ARL6: variants seen among roughly 807,000 people sequenced by gnomAD.
ARL6 encodes the protein ADP-ribosylation factor-like protein 6.
A neutral mutation model predicts 27.1 loss-of-function variants in ARL6; 18 were observed. That is an observed-to-expected ratio of 0.66 (90% confidence interval 0.46 to 0.98). The LOEUF is 0.98. Among genes scored for constraint, ARL6 ranks in the 50% least tolerant of loss-of-function variants. The pLI, the probability that ARL6 is intolerant of heterozygous loss-of-function variation, is 0.00. For missense variants in ARL6, 187 were observed against 214.9 expected (o/e 0.87, Z 0.81); for synonymous variants, 65 against 72.3 (o/e 0.90, Z 0.51).
chr3:97,793,298 C>T (rs2037833981), intron 7 of ARL6: 1 of 152,154 alleles, frequency 6.6e-6, no homozygotes, highest in Non-Finnish European at 1.5e-5. Context: ...TCTGTGAACC[C>T]AGCAACTTAG....
chr3:97,790,503 C>T (rs1038257436), intron 6 of ARL6, among the ~76,000 whole-genome samples: 2 of 151,894 alleles, frequency 1.3e-5, no homozygotes, highest in African/African-American at 4.8e-5. Flanking sequence ...AGATAGAATT[C>T]GAACATTTGT....
At chr3:97,792,258 C>CCGA (rs935963443) in intron 7 of ARL6, among the ~76,000 whole-genome samples, 3 of 152,074 alleles carry the variant, frequency 2.0e-5, no homozygotes, top group Admixed American at 6.6e-5. Flanking sequence ...CTTTGGGAGG[C>CCGA]CGAGGCAGGC....
intron 2 of ARL6, among the ~76,000 whole-genome samples, chr3:97,772,509 T>A (rs1023884616): frequency 7.9e-5 from 12 of 152,186 alleles, no homozygotes; most frequent in African/African-American, 2.9e-4. Flanking sequence ...TCACTTTCAT[T>A]TATTTTTGTT....
intron 7 of ARL6, 100 bp from the exon 8 acceptor site, chr3:97,797,924 A>G: frequency 9.0e-7 from 1 of 1,117,308 alleles, no homozygotes; most frequent in Admixed American, 1.8e-5. Flanking sequence ...ACATGTATAC[A>G]TAAGTTTCCA....
intron 2 of ARL6, among the ~76,000 whole-genome samples, chr3:97,771,205 T>G (rs1392524116): frequency 6.6e-6 from 1 of 152,030 alleles, no homozygotes; most frequent in Non-Finnish European, 1.5e-5. Flanking sequence ...TTTATCAATA[T>G]TTTATAGTTT....
chr3:97,767,895 G>C (rs193148416), intron 1 of ARL6, among the ~76,000 whole-genome samples, 186 bp from the exon 2 acceptor site: 1 of 152,238 alleles, frequency 6.6e-6, no homozygotes, highest in Admixed American at 6.5e-5. Context: ...GCAAATCTGC[G>C]TGTCAGTTAA....
intron 7 of ARL6, among the ~76,000 whole-genome samples, chr3:97,797,199 G>A (rs1336811211): frequency 6.6e-6 from 1 of 152,114 alleles, no homozygotes; most frequent in Admixed American, 6.6e-5. Context: ...AGACTCTGTG[G>A]AAGAGTTCTT....
intron 7 of ARL6, among the ~76,000 whole-genome samples, chr3:97,796,122 T>C (rs1051743222): frequency 6.6e-6 from 1 of 152,190 alleles, no homozygotes; most frequent in Non-Finnish European, 1.5e-5. Context: ...TGTTCACTTA[T>C]ACATATGAAC....
At chr3:97,765,548 A>T (rs1392133082) in intron 1 of ARL6, among the ~76,000 whole-genome samples, 1 of 152,186 alleles carries the variant, frequency 6.6e-6, no homozygotes, top group Non-Finnish European at 1.5e-5. Context: ...GGTTACAGTA[A>T]GATAAGAAAC....
chr3:97,777,897 T>G (rs1031157636), intron 2 of ARL6, among the ~76,000 whole-genome samples: 1 of 152,198 alleles, frequency 6.6e-6, no homozygotes, highest in Non-Finnish European at 1.5e-5. Context: ...TTTATGAATT[T>G]TATTCCTACA....
At chr3:97,786,631 T>TA (rs1027551200) in intron 5 of ARL6, among the ~76,000 whole-genome samples, 1 of 152,030 alleles carries the variant, frequency 6.6e-6, no homozygotes, top group African/African-American at 2.4e-5. Context: ...TTGATGGCCA[T>TA]AAAAAATCTT....
intron 4 of ARL6, among the ~76,000 whole-genome samples, chr3:97,784,508 C>T (rs926109535): frequency 6.7e-6 from 1 of 150,354 alleles, no homozygotes; most frequent in Non-Finnish European, 1.5e-5. Flanking sequence ...AGGAAATTTA[C>T]ATATGTATTG....
At chr3:97,791,300 G>C (rs1483567894) in intron 6 of ARL6, 5 of 156,046 alleles carry the variant, frequency 3.2e-5, no homozygotes, top group Non-Finnish European at 5.7e-5. Context: ...CCGACTTTTT[G>C]TTTTACTCTA....
At chr3:97,791,170 C>A (rs1444564200) in intron 6 of ARL6, 1 of 152,254 alleles carries the variant, frequency 6.6e-6, no homozygotes, top group Non-Finnish European at 1.5e-5. Flanking sequence ...TTAATTCTCA[C>A]AATCACCATA....
rs2036290296 is a variant in ARL6 at position 97,764,876 on chromosome 3, G to A, written c.-129G>A. The A allele has an allele frequency of 6.6e-6, 1 of 152,274 alleles. No homozygotes were observed. Among genetic ancestry groups the A allele is most frequent in the African/African-American group, 2.4e-5 (1 of 41,438 alleles). 9.4% of individuals were successfully genotyped at this position (152,274 alleles called of 1,614,324 possible). On this transcript the variant is annotated 5_prime_UTR_variant, in exon 1 of 8. Coordinates refer to ENST00000463745, the MANE Select transcript of ARL6 (RefSeq NM_001278293.3). ...TTCCCATGTAGGCATCGAGAAGAAG[G>A]CTGAGGGACCCTCGCACCAGATTTC...
chr3:97,780,329 T>C, intron 3 of ARL6, 109 bp downstream of exon 3: 1 of 907,702 alleles, frequency 1.1e-6, no homozygotes, highest in Non-Finnish European at 1.7e-6. Context: ...TGTTTCAGAA[T>C]CTCATAGGTA....
chr3:97,773,178 A>G (rs112733700), intron 2 of ARL6, among the ~76,000 whole-genome samples: 5,869 of 152,240 alleles, frequency 0.039, 207 homozygotes, highest in African/African-American at 0.095. Context: ...GAGTCACAAA[A>G]CTGAAGAACT....
Position 97,798,137 on chromosome 3 carries a change from C to A in ARL6, c.*88C>A. The A allele has an allele frequency of 7.5e-7, 1 of 1,332,832 alleles. No individual in the cohort carries two copies. Among genetic ancestry groups the A allele is most frequent in the Non-Finnish European group, 1.1e-6 (1 of 932,926 alleles). The allele number at this position is 1,332,832 out of a possible 1,614,324, so 82.6% of individuals were successfully genotyped here. Reference sequence around the variant, plus strand: ...ATACATTTTGTAAAAGATGTTTATGCATCAAAAAATATAATTTTCTGCTTG... The same window carrying A: ...ATACATTTTGTAAAAGATGTTTATGAATCAAAAAATATAATTTTCTGCTTG... On this transcript the variant is annotated 3_prime_UTR_variant, in exon 8 of 8. Transcript: ENST00000463745.
intron 5 of ARL6, 29 bp downstream of exon 5, chr3:97,785,078 G>T (rs927686882): frequency 1.3e-6 from 2 of 1,530,576 alleles, no homozygotes; most frequent in African/African-American, 2.7e-5. Context: ...GTCTGTATCT[G>T]TTCTTTGGGG....
Sources: gnomAD v4.1 joint callset for allele counts (sites outside exome capture counted in the v4.1 genomes callset) on GRCh38, gnomAD v4.1.1 for gene constraint, MANE v1.5 for transcripts, NCBI Gene and HGNC (gene_info 2026-07-23, HGNC 2026-07-21) for gene names.